Variants in PDE7B observed in about 807,000 individuals in gnomAD.
The protein encoded by PDE7B is phosphodiesterase 7B.
In PDE7B, 29 loss-of-function variants were observed where a neutral mutation model predicts 56.2. The observed-to-expected ratio is 0.52, with a 90% CI of 0.38 to 0.70. PDE7B has a LOEUF of 0.70. Ranked by LOEUF, PDE7B falls within the 30% of genes least tolerant of loss-of-function variation. PDE7B has a pLI of 0.00. For missense variants in PDE7B, 490 were observed against 565.0 expected (o/e 0.87, Z 1.35); for synonymous variants, 197 against 196.9 (o/e 1.00, Z 0.00).
intron 3 of PDE7B, among the ~76,000 whole-genome samples, chr6:136,146,750 AGT>A (rs943720962): frequency 6.6e-6 from 1 of 152,204 alleles, no homozygotes; most frequent in African/African-American, 2.4e-5. Context: ...TGCAGGCAGA[AGT>A]GTGTGAATTT....
chr6:136,068,115 A>G (rs1776977464), intron 2 of PDE7B, among the ~76,000 whole-genome samples: 1 of 152,224 alleles, frequency 6.6e-6, no homozygotes, highest in African/African-American at 2.4e-5. Context: ...CGAGCCAAAT[A>G]TGAGTGACCA....
chr6:135,936,353 C>T (rs767185379), intron 1 of PDE7B, among the ~76,000 whole-genome samples: 9 of 152,284 alleles, frequency 5.9e-5, no homozygotes, highest in South Asian at 4.1e-4. Context: ...TAACCTTTTG[C>T]TATCTGTAGG....
At position 135,935,192 on chromosome 6, in the gene PDE7B, A is replaced by T. The variant is rs868448882; in HGVS notation, c.22-12272A>T. Among the ~76,000 whole-genome samples the T allele has an allele frequency of 6.8e-4, 49 of 72,406 alleles. 6 individuals are homozygous for T. Among genetic ancestry groups the T allele is most frequent in the African/African-American group, 2.6e-3 (29 of 11,074 alleles). The allele number at this position is 72,406 out of a possible 152,430, so 47.5% of individuals were successfully genotyped here. ...GAATTTTATATATATATATTTATTT[A>T]TATATATATATATATATATATATAT... On this transcript the variant is annotated intron_variant, in intron 1 of 12. Coordinates refer to ENST00000308191, the MANE Select transcript of PDE7B (RefSeq NM_018945.4).
At chr6:135,901,986 T>C (rs766262223) in intron 1 of PDE7B, among the ~76,000 whole-genome samples, 1 of 152,182 alleles carries the variant, frequency 6.6e-6, no homozygotes, top group Non-Finnish European at 1.5e-5. Context: ...CATATCTGGT[T>C]GAACGATATC....
chr6:136,093,643 T>C (rs1259308276), intron 2 of PDE7B, among the ~76,000 whole-genome samples: 1 of 152,118 alleles, frequency 6.6e-6, no homozygotes, highest in East Asian at 1.9e-4. Flanking sequence ...ACATAGGCCC[T>C]AGGAGAGTGT....
At chr6:135,925,656 C>A (rs756541131) in intron 1 of PDE7B, among the ~76,000 whole-genome samples, 3 of 152,078 alleles carry the variant, frequency 2.0e-5, no homozygotes, top group Non-Finnish European at 2.9e-5. Flanking sequence ...TTAAATAATT[C>A]TTAAAAGACA....
chr6:136,098,247 T>G (rs1235313527), intron 2 of PDE7B, among the ~76,000 whole-genome samples: 2 of 141,450 alleles, frequency 1.4e-5, no homozygotes, highest in Non-Finnish European at 3.0e-5. Context: ...GAAGAGAGAG[T>G]AGACTACAAA....
At chr6:135,868,517 C>T (rs924394765) in intron 1 of PDE7B, among the ~76,000 whole-genome samples, 9 of 152,184 alleles carry the variant, frequency 5.9e-5, no homozygotes, top group Admixed American at 2.0e-4. Context: ...CTGCAACCTC[C>T]GCCTCCTGAG....
chr6:136,108,893 C>A, intron 3 of PDE7B, 79 bp downstream of exon 3: 3 of 893,592 alleles, frequency 3.4e-6, no homozygotes, highest in Non-Finnish European at 5.7e-6. Context: ...TCCCTCTGAA[C>A]TTCGAAACCT....
intron 2 of PDE7B, among the ~76,000 whole-genome samples, chr6:136,061,998 C>A (rs1406118152): frequency 6.6e-6 from 1 of 152,272 alleles, no homozygotes; most frequent in African/African-American, 2.4e-5. Flanking sequence ...AGGGATAAGA[C>A]AGAAATTGAA....
intron 1 of PDE7B, among the ~76,000 whole-genome samples, chr6:135,900,540 A>C (rs1446039113): frequency 2.0e-5 from 3 of 150,304 alleles, no homozygotes; most frequent in Non-Finnish European, 3.0e-5. Flanking sequence ...ATTCTACCCT[A>C]TTTTACCCAA....
chr6:135,934,683 T>C (rs1159556407), intron 1 of PDE7B, among the ~76,000 whole-genome samples: 2 of 142,798 alleles, frequency 1.4e-5, no homozygotes, highest in Non-Finnish European at 3.0e-5. Flanking sequence ...TTAGCTGAGA[T>C]TGCACCATTG....
intron 12 of PDE7B, among the ~76,000 whole-genome samples, chr6:136,189,990 C>CT (rs773668129): frequency 1.5e-4 from 23 of 152,158 alleles, no homozygotes; most frequent in East Asian, 1.4e-3. Context: ...TGAGGCTTTT[C>CT]TTTTTTTCGA....
intron 2 of PDE7B, among the ~76,000 whole-genome samples, chr6:136,077,346 AAAG>A (rs1777141981): frequency 6.6e-6 from 1 of 152,218 alleles, no homozygotes; most frequent in South Asian, 2.1e-4. Context: ...TTCAATAAAT[AAAG>A]AAAATGTAAA....
At chr6:135,964,571 T>A (rs896467475) in intron 2 of PDE7B, among the ~76,000 whole-genome samples, 3 of 152,150 alleles carry the variant, frequency 2.0e-5, no homozygotes, top group African/African-American at 7.2e-5. Context: ...AAAGTAATGA[T>A]AAGGAAAAAG....
intron 2 of PDE7B, among the ~76,000 whole-genome samples, chr6:135,981,690 G>A (rs570895719): frequency 1.3e-5 from 2 of 151,080 alleles, no homozygotes; most frequent in East Asian, 2.0e-4. Flanking sequence ...ACATGGGGCT[G>A]CCATCTCCTA....
chr6:135,919,846 A>G (rs1399246784), intron 1 of PDE7B, among the ~76,000 whole-genome samples: 1 of 152,238 alleles, frequency 6.6e-6, no homozygotes, highest in Non-Finnish European at 1.5e-5. Flanking sequence ...TGCCCCTCAC[A>G]TTGTAAGCAC....
intron 2 of PDE7B, among the ~76,000 whole-genome samples, chr6:135,975,232 C>T (rs1217627424): frequency 1.3e-5 from 2 of 149,294 alleles, no homozygotes; most frequent in East Asian, 4.1e-4. Flanking sequence ...GCAACTAATA[C>T]AGATTTCTTT....
intron 1 of PDE7B, among the ~76,000 whole-genome samples, chr6:135,935,186 T>TTATATATATATATATA (rs1368098258): frequency 2.6e-5 from 1 of 38,448 alleles, no homozygotes; most frequent in African/African-American, 1.5e-4. Flanking sequence ...ATATATATAT[T>TTATATATATATATATA]TATTTATATA....
Sources: allele counts gnomAD v4.1 joint callset (sites outside exome capture counted in the v4.1 genomes callset), GRCh38; gene constraint gnomAD v4.1.1; transcripts MANE v1.5; gene names NCBI Gene and HGNC (gene_info 2026-07-23, HGNC 2026-07-21).